The following DCDC1 variants were observed in gnomAD, a reference collection of about 807,000 sequenced individuals.
DCDC1 encodes doublecortin domain-containing protein 1.
In DCDC1, 200 loss-of-function variants were observed where a neutral mutation model predicts 178.3. The ratio of observed to expected loss-of-function variants is 1.12; its 90% confidence interval spans 1.00 to 1.26. DCDC1 has a LOEUF of 1.26. Ranked by LOEUF, DCDC1 falls within the 50% of genes most tolerant of loss-of-function variation. The pLI, the probability that DCDC1 is intolerant of heterozygous loss-of-function variation, is 0.00. For synonymous variants in DCDC1, 690 were observed against 604.8 expected (o/e 1.14, Z -2.07); for missense variants, 1,983 against 1,749.2 (o/e 1.13, Z -2.38).
chr11:31,290,851 G>T lies in DCDC1; in HGVS notation c.756C>A (p.Asp252Glu). Reference sequence around the variant, plus strand: ...TTACTTTCTTAATTAACAACAGATGGTCTAGAAGATAATTTTTTAAGTCAA... The same window carrying T: ...TTACTTTCTTAATTAACAACAGATGTTCTAGAAGATAATTTTTTAAGTCAA... ...PFLNPFKKIK[D>E]HLLLIKKVTW... The change falls in exon 7 of 39, where the codon GAC becomes GAA. Residue 252 changes from aspartate (D) to glutamate (E), a missense_variant and splice_region_variant. Coordinates refer to ENST00000684477, the MANE Select transcript of DCDC1 (RefSeq NM_001387274.1). 6.2e-7 allele frequency: 1 copy of T among 1,602,162 alleles called. No homozygotes were observed. Among genetic ancestry groups the T allele is most frequent in the South Asian group, 1.1e-5 (1 of 88,344 alleles).
chr11:31,069,425 GA>G (rs1240811694), intron 18 of DCDC1, among the ~76,000 whole-genome samples: 1 of 152,042 alleles, frequency 6.6e-6, no homozygotes, highest in Non-Finnish European at 1.5e-5. Flanking sequence ...GTACATTCAA[GA>G]CAATTCAACT....
intron 3 of DCDC1, among the ~76,000 whole-genome samples, chr11:31,315,275 C>T (rs1949008790): frequency 6.9e-6 from 1 of 144,622 alleles, no homozygotes; most frequent in South Asian, 2.3e-4. Flanking sequence ...AACTACACCA[C>T]ATTGCCTTCC....
chr11:31,007,271 T>C (rs1435842582), intron 20 of DCDC1, among the ~76,000 whole-genome samples: 1 of 152,194 alleles, frequency 6.6e-6, no homozygotes, highest in Non-Finnish European at 1.5e-5. Flanking sequence ...TCATTGAGAC[T>C]GTGAGATGAA....
intron 36 of DCDC1, among the ~76,000 whole-genome samples, chr11:30,883,966 GA>G (rs998918379): frequency 3.8e-4 from 52 of 135,810 alleles, no homozygotes; most frequent in Non-Finnish European, 7.0e-4. Context: ...TCTTCATAGA[GA>G]AAAAAAATGT....
chr11:31,200,879 T>C (rs535424704), intron 9 of DCDC1, among the ~76,000 whole-genome samples: 1 of 152,082 alleles, frequency 6.6e-6, no homozygotes, highest in African/African-American at 2.4e-5. Flanking sequence ...TTTTATGACA[T>C]GTCAAGCTCC....
chr11:31,011,185 C>T (rs1952146833), intron 20 of DCDC1, among the ~76,000 whole-genome samples: 1 of 152,014 alleles, frequency 6.6e-6, no homozygotes, highest in African/African-American at 2.4e-5. Flanking sequence ...ATCTCTATCC[C>T]GTTATCTTAA....
chr11:31,018,415 T>A (rs1033215304), intron 20 of DCDC1, among the ~76,000 whole-genome samples: 1 of 152,198 alleles, frequency 6.6e-6, no homozygotes, highest in Non-Finnish European at 1.5e-5. Context: ...AGGTCACTGG[T>A]ATTTATCTCA....
chr11:30,885,846 A>G (rs1257943783), intron 36 of DCDC1, among the ~76,000 whole-genome samples: 1 of 152,136 alleles, frequency 6.6e-6, no homozygotes, highest in Non-Finnish European at 1.5e-5. Flanking sequence ...CTAGGAATTT[A>G]CTTAAGGAAA....
intron 1 of DCDC1, among the ~76,000 whole-genome samples, chr11:31,343,455 C>T (rs753031469): frequency 1.4e-4 from 21 of 151,978 alleles, no homozygotes; most frequent in African/African-American, 4.3e-4. Flanking sequence ...TACAGGTGTG[C>T]GCCACCATGC....
intron 9 of DCDC1, among the ~76,000 whole-genome samples, chr11:31,227,341 G>A (rs930739649): frequency 7.9e-5 from 12 of 152,112 alleles, no homozygotes; most frequent in African/African-American, 2.9e-4. Flanking sequence ...AGGAGCAAGA[G>A]AGAAGGGGGA....
At chr11:31,234,686 C>T (rs1416960828) in intron 9 of DCDC1, among the ~76,000 whole-genome samples, 1 of 152,020 alleles carries the variant, frequency 6.6e-6, no homozygotes, top group Non-Finnish European at 1.5e-5. Flanking sequence ...ACACGAACCT[C>T]TCAGTGAGCA....
intron 7 of DCDC1, among the ~76,000 whole-genome samples, chr11:31,284,196 A>ATC (rs1946658619): frequency 6.6e-6 from 1 of 152,182 alleles, no homozygotes; most frequent in South Asian, 2.1e-4. Flanking sequence ...GTAGGAAATA[A>ATC]TGGTTATGTT....
At chr11:31,072,309 C>T (rs1454968560) in intron 18 of DCDC1, among the ~76,000 whole-genome samples, 1 of 151,894 alleles carries the variant, frequency 6.6e-6, no homozygotes, top group Non-Finnish European at 1.5e-5. Flanking sequence ...TTTTCTATGC[C>T]TATATAAGGT....
intron 11 of DCDC1, 105 bp from the exon 12 acceptor site, chr11:31,110,466 A>G (rs1959134467): frequency 1.8e-6 from 1 of 568,700 alleles, no homozygotes; most frequent in South Asian, 2.4e-5. Flanking sequence ...TTTTCATGGT[A>G]CCATGTCAAC....
At chr11:31,176,672 T>C (rs933087739) in intron 9 of DCDC1, among the ~76,000 whole-genome samples, 1 of 152,030 alleles carries the variant, frequency 6.6e-6, no homozygotes, top group Non-Finnish European at 1.5e-5. Context: ...AAGTCACATA[T>C]AATGAAATGG....
At chr11:31,230,020 C>CAA (rs1414848576) in intron 9 of DCDC1, among the ~76,000 whole-genome samples, 3 of 151,930 alleles carry the variant, frequency 2.0e-5, no homozygotes, top group Non-Finnish European at 4.4e-5. Context: ...AACAGTTAGA[C>CAA]AAGAAGAAAT....
chr11:31,043,652 T>C (rs564018787), intron 20 of DCDC1, among the ~76,000 whole-genome samples: 1 of 152,100 alleles, frequency 6.6e-6, no homozygotes, highest in African/African-American at 2.4e-5. Flanking sequence ...TTACAGTTAT[T>C]GTCATGGCAC....
chr11:31,202,341 T>C (rs976960222), intron 9 of DCDC1, among the ~76,000 whole-genome samples: 1 of 151,992 alleles, frequency 6.6e-6, no homozygotes. Context: ...GGCGGGTGGA[T>C]TGCTTGAGTC....
chr11:31,012,418 C>G (rs368644682), intron 20 of DCDC1, among the ~76,000 whole-genome samples: 2 of 152,064 alleles, frequency 1.3e-5, no homozygotes, highest in South Asian at 2.1e-4. Flanking sequence ...CTGGGTAACA[C>G]AGTGAGACCT....
Sources: gnomAD v4.1 joint callset for allele counts (sites outside exome capture counted in the v4.1 genomes callset) on GRCh38, gnomAD v4.1.1 for gene constraint, MANE v1.5 for transcripts, NCBI Gene and HGNC (gene_info 2026-07-23, HGNC 2026-07-21) for gene names.